CPNE4: variants seen among roughly 807,000 people sequenced by gnomAD.
The protein encoded by CPNE4 is copine-4.
Under a neutral mutation model 67.9 loss-of-function variants are expected in CPNE4, and 25 were observed. That is an observed-to-expected ratio of 0.37 (90% CI 0.27 to 0.51). The LOEUF is 0.51. CPNE4 is among the 20% of genes least tolerant of loss of function. CPNE4 has a pLI of 0.93. For synonymous variants in CPNE4, 242 were observed against 244.9 expected (o/e 0.99, Z 0.11); for missense variants, 464 against 690.8 (o/e 0.67, Z 3.68).
At chr3:131,904,555 CCT>C (rs2088674132) in intron 2 of CPNE4, among the ~76,000 whole-genome samples, 1 of 152,156 alleles carries the variant, frequency 6.6e-6, no homozygotes, top group Admixed American at 6.5e-5. Flanking sequence ...CAACAGTCAC[CCT>C]GTTTTGGGCT....
intron 2 of CPNE4, among the ~76,000 whole-genome samples, chr3:131,871,808 T>G (rs2087221711): frequency 6.6e-6 from 1 of 152,194 alleles, no homozygotes; most frequent in Non-Finnish European, 1.5e-5. Context: ...ATGACTGACT[T>G]TACCTTGTAC....
chr3:131,801,274 G>A (rs1315516074), intron 2 of CPNE4, among the ~76,000 whole-genome samples: 3 of 147,790 alleles, frequency 2.0e-5, no homozygotes, highest in East Asian at 4.0e-4. Flanking sequence ...AATAGGGTCC[G>A]CTTTGTTTTT....
intron 2 of CPNE4, among the ~76,000 whole-genome samples, chr3:131,810,987 C>T (rs1484744929): frequency 6.6e-6 from 1 of 151,938 alleles, no homozygotes; most frequent in Admixed American, 6.6e-5. Flanking sequence ...TAGTCAAACT[C>T]ATAGAGCAGA....
At chr3:131,957,331 A>C (rs2072008114) in intron 1 of CPNE4, among the ~76,000 whole-genome samples, 1 of 152,348 alleles carries the variant, frequency 6.6e-6, no homozygotes, top group Admixed American at 6.5e-5. Context: ...ATTTTGAAAA[A>C]GAAAATTTCC....
chr3:131,911,580 T>A (rs1239044430), intron 1 of CPNE4, among the ~76,000 whole-genome samples: 5 of 142,452 alleles, frequency 3.5e-5, no homozygotes, highest in African/African-American at 1.4e-4. Flanking sequence ...TGTGTGTGTG[T>A]GTGTGTAAAC....
upstream of CPNE4, chr3:132,037,481 C>T (rs2074360229): frequency 2.8e-6 from 3 of 1,062,812 alleles, no homozygotes; most frequent in African/African-American, 1.6e-5. Context: ...AATCACTGCC[C>T]CCACAGCAAG....
intron 1 of CPNE4, among the ~76,000 whole-genome samples, chr3:132,032,762 G>C (rs1014928603): frequency 6.6e-6 from 1 of 152,060 alleles, no homozygotes; most frequent in Non-Finnish European, 1.5e-5. Flanking sequence ...GCAGCAGCTC[G>C]GTAAGGGAAA....
intron 7 of CPNE4, among the ~76,000 whole-genome samples, chr3:131,599,405 C>G (rs1201583749): frequency 6.6e-6 from 1 of 152,166 alleles, no homozygotes; most frequent in East Asian, 1.9e-4. Flanking sequence ...TGACATCAAC[C>G]TAGCTGCTAG....
At chr3:131,721,458 C>G (rs187795991) in intron 3 of CPNE4, among the ~76,000 whole-genome samples, 14 of 145,850 alleles carry the variant, frequency 9.6e-5, no homozygotes, top group African/African-American at 3.6e-4. Context: ...CGCACTGGCA[C>G]GATCTCGGCT....
chr3:132,008,954 A>C (rs4854869), intron 1 of CPNE4, among the ~76,000 whole-genome samples: 127,454 of 152,150 alleles, frequency 0.84, 54,480 homozygotes, highest in Non-Finnish European at 0.93. Context: ...GCAGCCTTAA[A>C]ACCTGCTCTG....
intron 1 of CPNE4, among the ~76,000 whole-genome samples, chr3:131,977,273 A>C (rs112240748): frequency 2.0e-5 from 3 of 152,340 alleles, no homozygotes; most frequent in African/African-American, 7.2e-5. Context: ...AGTTGCACTT[A>C]AATTGTTTCA....
intron 2 of CPNE4, among the ~76,000 whole-genome samples, chr3:131,869,208 C>T (rs550218361): frequency 2.6e-5 from 4 of 152,260 alleles, no homozygotes; most frequent in East Asian, 1.9e-4. Context: ...AATCTTATCA[C>T]TTCCAGAAAA....
Position 131,871,666 on chromosome 3 carries a change from G to A in CPNE4, c.180+33598C>T, listed in dbSNP as rs187519830. Among the ~76,000 whole-genome samples, 11 of 152,216 alleles carry A rather than the reference G, an allele frequency of 7.2e-5. No individual in the cohort carries two copies. The East Asian group carries it at 9.7e-4, about 13-fold the overall frequency. ...CAACAGTAATATCTTCAGTCTGACC[G>A]ATACCAACTTCGGTTTTCTTGTGGA... On this transcript the variant is annotated intron_variant, in intron 2 of 15. Coordinates refer to ENST00000429747, the MANE Select transcript of CPNE4 (RefSeq NM_130808.3).
At chr3:131,754,148 ATT>A (rs916965794) in intron 2 of CPNE4, among the ~76,000 whole-genome samples, 5 of 151,980 alleles carry the variant, frequency 3.3e-5, no homozygotes, top group African/African-American at 1.2e-4. Flanking sequence ...TTCATAAGGT[ATT>A]TTTTTTATGG....
intron 2 of CPNE4, among the ~76,000 whole-genome samples, chr3:131,892,798 A>G (rs2088169265): frequency 6.6e-6 from 1 of 152,076 alleles, no homozygotes; most frequent in South Asian, 2.1e-4. Flanking sequence ...TATTAGCCCC[A>G]TGGTAACTAC....
At chr3:131,891,501 T>C (rs2088112685) in intron 2 of CPNE4, among the ~76,000 whole-genome samples, 1 of 152,122 alleles carries the variant, frequency 6.6e-6, no homozygotes, top group East Asian at 1.9e-4. Flanking sequence ...GGATTTGTTG[T>C]ATGGATTATT....
chr3:131,838,113 A>G (rs2108011614), intron 2 of CPNE4, among the ~76,000 whole-genome samples: 1 of 152,086 alleles, frequency 6.6e-6, no homozygotes, highest in Non-Finnish European at 1.5e-5. Context: ...GTCTCTGTAC[A>G]ATTTTTGCAG....
At chr3:131,944,101 G>T (rs918673924) in intron 1 of CPNE4, among the ~76,000 whole-genome samples, 1 of 152,018 alleles carries the variant, frequency 6.6e-6, no homozygotes, top group East Asian at 1.9e-4. Context: ...GCACCTAGCC[G>T]TCATCAGCAC....
Position 131,803,661 on chromosome 3 carries a change from G to A in CPNE4, c.181-80036C>T, listed in dbSNP as rs150889342. 7.0e-4 allele frequency among the ~76,000 whole-genome samples: 106 copies of A among 152,326 alleles called. No homozygotes were observed. The East Asian group carries it at 0.02, about 29-fold the overall frequency. On this transcript the variant is annotated intron_variant, in intron 2 of 15. Coordinates refer to ENST00000429747, the MANE Select transcript of CPNE4 (RefSeq NM_130808.3). ...CTAGCCACTGAAAACCCATACTTTA[G>A]ACAACTCTCTGCCCTTGTGAAGCTC...
Sources: gnomAD v4.1 joint callset for allele counts (sites outside exome capture counted in the v4.1 genomes callset) on GRCh38, gnomAD v4.1.1 for gene constraint, MANE v1.5 for transcripts, NCBI Gene and HGNC (gene_info 2026-07-23, HGNC 2026-07-21) for gene names.